The following SCML4 variants were observed in gnomAD, a reference collection of about 807,000 sequenced individuals.
SCML4 encodes the protein sex comb on midleg-like protein 4.
In SCML4, 34 loss-of-function variants were observed where a neutral mutation model predicts 41.1. The ratio of observed to expected loss-of-function variants is 0.83; its 90% CI spans 0.63 to 1.10. The LOEUF is 1.10. Ranked by LOEUF, SCML4 falls within the 50% of genes least tolerant of loss-of-function variation. The pLI is 0.00. For missense variants in SCML4, 522 were observed against 534.1 expected, an observed-to-expected ratio of 0.98 and a Z score of 0.22; for synonymous variants, 214 against 220.9, an observed-to-expected ratio of 0.97 and a Z score of 0.28.
chr6:107,746,930 G>A lies in SCML4; in HGVS notation c.287-41C>T, dbSNP rs563450392. The A allele has an allele frequency of 2.7e-5, 42 of 1,542,046 alleles. No individual in the cohort carries two copies. In the East Asian group the frequency reaches 7.9e-4, roughly 29 times the overall value. On this transcript the variant is annotated intron_variant, in intron 3 of 7. Coordinates refer to ENST00000369020, the MANE Select transcript of SCML4 (RefSeq NM_198081.5). ...TCACAAAGCCCTCGGCATCAGGCGC[G>A]CATCAGGCCAGCTGGCGGCCTCTGT...
intron 2 of SCML4, among the ~76,000 whole-genome samples, chr6:107,754,948 T>C (rs1778981476): frequency 6.6e-6 from 1 of 151,960 alleles, no homozygotes; most frequent in Non-Finnish European, 1.5e-5. Context: ...ACTAAAAATT[T>C]TAAAAATTAG....
chr6:107,731,316 G>A (rs1477804267), intron 5 of SCML4, among the ~76,000 whole-genome samples: 8 of 152,118 alleles, frequency 5.3e-5, no homozygotes, highest in Non-Finnish European at 1.0e-4. Context: ...AACTAAACTG[G>A]CATTTTACCT....
intron 1 of SCML4, among the ~76,000 whole-genome samples, chr6:107,820,440 T>C (rs1033239532): frequency 1.3e-5 from 2 of 152,232 alleles, no homozygotes; most frequent in Admixed American, 1.3e-4. Context: ...TGGGGCAGGC[T>C]GCTCTGCAAT....
intron 6 of SCML4, 25 bp from the exon 7 acceptor site, chr6:107,708,036 C>A: frequency 6.5e-7 from 1 of 1,547,626 alleles, no homozygotes; most frequent in Admixed American, 2.0e-5. Flanking sequence ...GAGAGGGAGA[C>A]CATGAGCCAG....
chr6:107,739,311 C>A (rs1777369487), intron 5 of SCML4, among the ~76,000 whole-genome samples: 2 of 152,076 alleles, frequency 1.3e-5, no homozygotes, highest in African/African-American at 4.8e-5. Flanking sequence ...CCACAGAGAA[C>A]AAAGCCACCT....
intron 1 of SCML4, among the ~76,000 whole-genome samples, chr6:107,811,378 T>C (rs1384617239): frequency 6.6e-6 from 1 of 152,192 alleles, no homozygotes; most frequent in Non-Finnish European, 1.5e-5. Flanking sequence ...TGATTGCATT[T>C]TGTGGTTCCT....
chr6:107,733,869 C>T (rs1776793310), intron 5 of SCML4, among the ~76,000 whole-genome samples: 1 of 152,212 alleles, frequency 6.6e-6, no homozygotes, highest in Admixed American at 6.5e-5. Flanking sequence ...TGGACAGGCT[C>T]ATCAGAAACA....
chr6:107,763,910 A>G (rs2114548182), intron 2 of SCML4, among the ~76,000 whole-genome samples: 1 of 152,350 alleles, frequency 6.6e-6, no homozygotes, highest in East Asian at 1.9e-4. Flanking sequence ...AGCCCGAGCT[A>G]AGACACCTCC....
chr6:107,834,436 C>T, the SCML4 span, among the ~76,000 whole-genome samples: 10 of 152,144 alleles, frequency 6.6e-5, no homozygotes, highest in Non-Finnish European at 1.5e-4. Context: ...CTGTTTGCAG[C>T]GAGGCAAATA....
intron 2 of SCML4, among the ~76,000 whole-genome samples, chr6:107,769,971 T>C (rs1003044139): frequency 1.3e-5 from 2 of 152,198 alleles, no homozygotes; most frequent in Non-Finnish European, 2.9e-5. Context: ...TATCTTACTT[T>C]GCTTGGTCAG....
At chr6:107,776,710 A>G (rs747242538) in intron 1 of SCML4, among the ~76,000 whole-genome samples, 52 of 152,326 alleles carry the variant, frequency 3.4e-4, no homozygotes, top group Non-Finnish European at 6.3e-4. Context: ...ATCCAACTTT[A>G]TCACTCCTGA....
At chr6:107,764,817 G>C (rs1779903292) in intron 2 of SCML4, among the ~76,000 whole-genome samples, 1 of 152,182 alleles carries the variant, frequency 6.6e-6, no homozygotes, top group Non-Finnish European at 1.5e-5. Flanking sequence ...CCCCCATACT[G>C]TTCTTGTGGT....
At chr6:107,839,409 G>GAAAGAAAGAA in the SCML4 span, among the ~76,000 whole-genome samples, 5 of 144,662 alleles carry the variant, frequency 3.5e-5, no homozygotes, top group African/African-American at 1.4e-4. Context: ...AAGAAAGAAA[G>GAAAGAAAGAA]AGGAAGAAGA....
the SCML4 span, among the ~76,000 whole-genome samples, chr6:107,832,229 A>C: frequency 0.028 from 4,197 of 151,336 alleles, 160 homozygotes; most frequent in African/African-American, 0.088. Context: ...ACAGAGAAAG[A>C]CTCTGTCTCA....
chr6:107,797,102 T>G (rs1011901885), intron 1 of SCML4, among the ~76,000 whole-genome samples: 1 of 152,162 alleles, frequency 6.6e-6, no homozygotes, highest in Admixed American at 6.5e-5. Flanking sequence ...TCATGTAGTA[T>G]AAATTCTCCA....
chr6:107,721,523 C>CAAAAA (rs1775413660), intron 5 of SCML4, among the ~76,000 whole-genome samples: 1 of 32,526 alleles, frequency 3.1e-5, no homozygotes. Flanking sequence ...AACTCCATCT[C>CAAAAA]AAAAAAAGAA....
intron 1 of SCML4, among the ~76,000 whole-genome samples, chr6:107,793,325 T>G (rs1386072264): frequency 6.6e-6 from 1 of 152,210 alleles, no homozygotes; most frequent in African/African-American, 2.4e-5. Context: ...CAACAAGAGC[T>G]AAATGAGATA....
intron 2 of SCML4, among the ~76,000 whole-genome samples, chr6:107,751,992 A>G (rs1778737074): frequency 1.3e-5 from 2 of 152,170 alleles, no homozygotes; most frequent in South Asian, 4.1e-4. Flanking sequence ...TGGGAGGACC[A>G]CTAACCTACA....
Position 107,820,421 on chromosome 6 carries a change from G to T in SCML4, c.-60+3705C>A, listed in dbSNP as rs562939705. Among the ~76,000 whole-genome samples the T allele has an allele frequency of 3.3e-5, 5 of 152,304 alleles. No homozygotes were observed. The South Asian group carries it at 1.0e-3, about 32-fold the overall frequency. On this transcript the variant is annotated intron_variant, in intron 1 of 7. Transcript: ENST00000369020. Reference sequence around the variant, plus strand: ...GCGTGTGCGTATGCATGTCTGAGAAGGGCTGTTGTGGGGCAGGCTGCTCTG... The same window carrying T: ...GCGTGTGCGTATGCATGTCTGAGAATGGCTGTTGTGGGGCAGGCTGCTCTG...
Sources: allele counts gnomAD v4.1 joint callset (sites outside exome capture counted in the v4.1 genomes callset), GRCh38; gene constraint gnomAD v4.1.1; transcripts MANE v1.5; gene names NCBI Gene and HGNC (gene_info 2026-07-23, HGNC 2026-07-21).